MAP2K5: variants seen among roughly 807,000 people sequenced by gnomAD.
The protein encoded by MAP2K5 is mitogen-activated protein kinase kinase 5, also known as dual specificity mitogen-activated protein kinase kinase 5.
A neutral mutation model predicts 83.1 loss-of-function variants in MAP2K5; 49 were observed. The observed-to-expected ratio is 0.59, with a 90% CI of 0.47 to 0.75. The LOEUF is 0.75. Ranked by LOEUF, MAP2K5 falls within the 30% of genes least tolerant of loss-of-function variation. The pLI is 0.00. For synonymous variants in MAP2K5, 202 were observed against 191.8 expected (o/e 1.05, Z -0.44); for missense variants, 457 against 557.5 (o/e 0.82, Z 1.82).
In MAP2K5 at chr15:67,630,882, C is replaced by T; in HGVS notation, c.546-6C>T. The stretch of plus-strand genomic sequence containing the variant: ...CAAATGATTTTGTTTTTTTTTCTTC[C>T]CATAGAGCATATCATGTCCCGAGTG... On this transcript the variant is annotated splice_polypyrimidine_tract_variant and splice_region_variant and intron_variant, in intron 8 of 21. Transcript: ENST00000178640. 1 of 1,604,452 alleles carries T rather than the reference C, an allele frequency of 6.2e-7. No individual in the cohort carries two copies. Among genetic ancestry groups the T allele is most frequent in the Non-Finnish European group, 8.5e-7 (1 of 1,174,564 alleles).
Position 67,750,593 on chromosome 15 carries a change from C to T in MAP2K5, c.1134+1992C>T, listed in dbSNP as rs780037569. ...GTAATGCAAATTCCTGAGCCCAGAT[C>T]GCTGAATTAGACTTTCTAGGGATCG... is the stretch of plus-strand genomic sequence containing the variant. On this transcript the variant is annotated intron_variant, in intron 19 of 21. Coordinates refer to ENST00000178640, the MANE Select transcript of MAP2K5 (RefSeq NM_145160.3). This position sits in a 1 kb window ranked among gnomAD's most constrained non-coding sequence, Gnocchi z 4.2. Among the ~76,000 whole-genome samples, 4 of 152,150 alleles carry T rather than the reference C, an allele frequency of 2.6e-5. No homozygotes were observed. The highest frequency in any genetic ancestry group is 5.9e-5 in the Non-Finnish European group (4 of 68,030).
In MAP2K5 at chr15:67,717,480, G is replaced by A. The variant is rs1192999850; in HGVS notation, c.1045-10436G>A. ...GTAGAAAGAAAAGTAAAAGTGCAAT[G>A]GAAACATGTAGAACTGGGCACATGA... On this transcript the variant is annotated intron_variant, in intron 16 of 21. Coordinates refer to ENST00000178640, the MANE Select transcript of MAP2K5 (RefSeq NM_145160.3). The surrounding 1 kb of genome is among the most constrained non-coding windows in gnomAD (Gnocchi z 4.1). Among the ~76,000 whole-genome samples, 14 of 152,204 alleles carry A rather than the reference G, an allele frequency of 9.2e-5. No homozygotes were observed. Among genetic ancestry groups the A allele is most frequent in the Admixed American group, 9.2e-4 (14 of 15,278 alleles).
In MAP2K5 at chr15:67,802,391, G is replaced by A. The variant is rs1393013927; in HGVS notation, c.1243-4255G>A. On this transcript the variant is annotated intron_variant, in intron 21 of 21. Coordinates refer to ENST00000178640, the MANE Select transcript of MAP2K5 (RefSeq NM_145160.3). This position sits in a 1 kb window ranked among gnomAD's most constrained non-coding sequence, Gnocchi z 5.0. ...GAGGGTGTCTGCCCAGGTGATGCCG[G>A]CACCTCCCGACTCTCCCCTGTGTCC... Among the ~76,000 whole-genome samples the A allele has an allele frequency of 6.6e-6, 1 of 152,174 alleles. No homozygotes were observed. Among genetic ancestry groups the A allele is most frequent in the Non-Finnish European group, 1.5e-5 (1 of 68,032 alleles).
intron 8 of MAP2K5, among the ~76,000 whole-genome samples, chr15:67,601,352 C>G (rs1056312766): frequency 6.6e-6 from 1 of 152,170 alleles, no homozygotes; most frequent in Non-Finnish European, 1.5e-5. Flanking sequence ...AAAAATAGTT[C>G]TCCGACAGGG....
Position 67,806,858 on chromosome 15 carries a change from G to T in MAP2K5, c.*108G>T, listed in dbSNP as rs752698219. 1 of 1,596,024 alleles carries T rather than the reference G, an allele frequency of 6.3e-7. No individual in the cohort carries two copies. Among genetic ancestry groups the T allele is most frequent in the Non-Finnish European group, 8.5e-7 (1 of 1,178,610 alleles). ...GCCAGAAGAGCTTTGCTGGGCCCTG[G>T]CTTCCCTGCCCTCGCCTTCACCTCT... is the stretch of plus-strand genomic sequence containing the variant. On this transcript the variant is annotated 3_prime_UTR_variant, in exon 22 of 22. Transcript: ENST00000178640.
chr15:67,730,779 C>T (rs1211217887), intron 17 of MAP2K5, among the ~76,000 whole-genome samples: 3 of 152,122 alleles, frequency 2.0e-5, no homozygotes, highest in South Asian at 2.1e-4. Flanking sequence ...AATCAGGGCA[C>T]CAGACCTGAG....
At chr15:67,557,947 G>C (rs2084661979) in intron 2 of MAP2K5, among the ~76,000 whole-genome samples, 1 of 152,214 alleles carries the variant, frequency 6.6e-6, no homozygotes. Flanking sequence ...CACTGAGCCT[G>C]AAAATTATTT....
intron 15 of MAP2K5, among the ~76,000 whole-genome samples, chr15:67,694,986 A>G (rs970583763): frequency 1.6e-4 from 25 of 152,216 alleles, no homozygotes; most frequent in Admixed American, 5.2e-4. Flanking sequence ...GGAAATCATC[A>G]TTCTCAGTAA....
Position 67,577,525 on chromosome 15 carries a change from C to T in MAP2K5, c.253-3229C>T, listed in dbSNP as rs2085091226. ...ACATTTCTGTCCAAGCTATTATGTT[C>T]AGTATCTTAGTGTACAAAGTTTAGG... On this transcript the variant is annotated intron_variant, in intron 3 of 21. Transcript: ENST00000178640. This position sits in a 1 kb window ranked among gnomAD's most constrained non-coding sequence, Gnocchi z 4.1. 6.6e-6 allele frequency among the ~76,000 whole-genome samples: 1 copy of T among 152,160 alleles called. No individual in the cohort carries two copies. Among genetic ancestry groups the T allele is most frequent in the Non-Finnish European group, 1.5e-5 (1 of 68,016 alleles).
chr15:67,721,231 T>C (rs763094965), intron 16 of MAP2K5, among the ~76,000 whole-genome samples: 4 of 152,280 alleles, frequency 2.6e-5, no homozygotes, highest in Non-Finnish European at 4.4e-5. Flanking sequence ...TCCCTTATTA[T>C]TAATAATCTG....
chr15:67,629,178 G>A (rs747276606), intron 8 of MAP2K5: 3 of 689,954 alleles, frequency 4.3e-6, no homozygotes, highest in Non-Finnish European at 8.0e-6. Context: ...GAGAGCTAGA[G>A]AAGTGACGGG....
chr15:67,563,237 T>G lies in MAP2K5; in HGVS notation c.185-46T>G, dbSNP rs772734485. ...TTTATATTATGTTCCCTTTGTGCAT[T>G]AAACAAATGCACACCTTATCATTTG... On this transcript the variant is annotated intron_variant, in intron 2 of 21. Transcript: ENST00000178640. The surrounding 1 kb of genome is among the most constrained non-coding windows in gnomAD (Gnocchi z 4.5). 6.3e-7 allele frequency: 1 copy of G among 1,589,290 alleles called. No individual in the cohort carries two copies. The highest frequency in any genetic ancestry group is 8.5e-7 in the Non-Finnish European group (1 of 1,171,092).
In MAP2K5 at chr15:67,785,003, G is replaced by C. The variant is rs537048543; in HGVS notation, c.1242+12251G>C. Among the ~76,000 whole-genome samples, 36 of 152,254 alleles carry C rather than the reference G, an allele frequency of 2.4e-4. No individual in the cohort carries two copies. Among genetic ancestry groups the C allele is most frequent in the African/African-American group, 8.4e-4 (35 of 41,554 alleles). On this transcript the variant is annotated intron_variant, in intron 21 of 21. Transcript: ENST00000178640. The surrounding 1 kb of genome is among the most constrained non-coding windows in gnomAD (Gnocchi z 4.4). ...CACCTAGGCTGGAGTGCAGTGACAC[G>C]ATCTTGGCTCAGTGCAGCCTCAATC... is the stretch of plus-strand genomic sequence containing the variant.
rs1296286737 is a variant in MAP2K5, at chr15:67,572,202, G to A, written c.253-8552G>A. ...ACAGTGTGTTTAAAGAATGCCTGGT[G>A]AGTCAGTAGGAGCTGCCTGTGATTC... On this transcript the variant is annotated intron_variant, in intron 3 of 21. Transcript: ENST00000178640. The surrounding 1 kb of genome is among the most constrained non-coding windows in gnomAD (Gnocchi z 4.2). 6.6e-6 allele frequency among the ~76,000 whole-genome samples: 1 copy of A among 152,168 alleles called. No homozygotes were observed. The highest frequency in any genetic ancestry group is 2.1e-4 in the South Asian group (1 of 4,824).
At position 67,705,294 on chromosome 15, in the gene MAP2K5, G is replaced by A. The variant is rs374594158; in HGVS notation, c.1044+1886G>A. ...CTGCTATGCCTGCTGTATAGGCAAT[G>A]GGGATAGAGTAAGGAAAAGACACTC... On this transcript the variant is annotated intron_variant, in intron 16 of 21. Coordinates refer to ENST00000178640, the MANE Select transcript of MAP2K5 (RefSeq NM_145160.3). Among the ~76,000 whole-genome samples the A allele has an allele frequency of 5.3e-5, 8 of 152,336 alleles. No homozygotes were observed. In the East Asian group the frequency reaches 1.5e-3, roughly 29 times the overall value.
Position 67,573,852 on chromosome 15 carries a change from C to G in MAP2K5, c.253-6902C>G, listed in dbSNP as rs2084997661. Among the ~76,000 whole-genome samples, 1 of 152,058 alleles carries G rather than the reference C, an allele frequency of 6.6e-6. No homozygotes were observed. Among genetic ancestry groups the G allele is most frequent in the Admixed American group, 6.5e-5 (1 of 15,284 alleles). On this transcript the variant is annotated intron_variant, in intron 3 of 21. Transcript: ENST00000178640. The surrounding 1 kb of genome is among the most constrained non-coding windows in gnomAD (Gnocchi z 4.2). ...CAGTAGTTACACAAAGATGAATAATCCTGTGTCACCAGCCTTGTAGTGCAG... is the reference window on the plus strand; with the variant it reads ...CAGTAGTTACACAAAGATGAATAATGCTGTGTCACCAGCCTTGTAGTGCAG...
Position 67,783,540 on chromosome 15 carries a change from G to A in MAP2K5, c.1242+10788G>A, listed in dbSNP as rs374142594. Among the ~76,000 whole-genome samples the A allele has an allele frequency of 2.0e-5, 3 of 152,266 alleles. No homozygotes were observed. The highest frequency in any genetic ancestry group is 4.4e-5 in the Non-Finnish European group (3 of 68,022). ...TTGGGTTGAGGACTTCCTTTTGCCT[G>A]TCACCCTTCACCCTGGCTAATACTT... On this transcript the variant is annotated intron_variant, in intron 21 of 21. Transcript: ENST00000178640. This position sits in a 1 kb window ranked among gnomAD's most constrained non-coding sequence, Gnocchi z 5.1.
intron 8 of MAP2K5, among the ~76,000 whole-genome samples, chr15:67,605,999 C>T (rs940991184): frequency 1.3e-5 from 2 of 152,194 alleles, no homozygotes; most frequent in African/African-American, 4.8e-5. Context: ...TATCTGTTGA[C>T]TCACTAGTTA....
intron 16 of MAP2K5, among the ~76,000 whole-genome samples, chr15:67,725,005 C>G (rs987135304): frequency 1.2e-4 from 18 of 152,172 alleles, no homozygotes; most frequent in African/African-American, 4.3e-4. Flanking sequence ...TACAAGCAGT[C>G]CTCCCAGGAA....
Sources: gnomAD v4.1 joint callset for allele counts (sites outside exome capture counted in the v4.1 genomes callset) on GRCh38, gnomAD v4.1.1 for gene constraint, Gnocchi (gnomAD v3.1) non-coding constraint, MANE v1.5 for transcripts, NCBI Gene and HGNC (gene_info 2026-07-23, HGNC 2026-07-21) for gene names.